BCL11A: variants seen among roughly 807,000 people sequenced by gnomAD.
The protein encoded by BCL11A is BCL11 transcription factor A.
A neutral mutation model predicts 55.9 loss-of-function variants in BCL11A; 2 were observed. The observed-to-expected ratio is 0.04, with a 90% CI of 0.01 to 0.11. BCL11A has a LOEUF of 0.11. BCL11A is among the 10% of genes least tolerant of loss of function. The pLI is 1.00. For missense variants in BCL11A, 817 were observed against 1,137.1 expected (o/e 0.72, Z 4.05); for synonymous variants, 465 against 473.4 (o/e 0.98, Z 0.23).
chr2:60,526,208 A>G (rs1028808833), intron 2 of BCL11A: 3 of 152,212 alleles, frequency 2.0e-5, no homozygotes, highest in African/African-American at 7.2e-5. Context: ...TCAGAATCCC[A>G]TATTTTGGGA....
In BCL11A at chr2:60,462,119, G is replaced by C. The variant is rs769158594; in HGVS notation, c.793C>G (p.Leu265Val). 46 of 1,550,914 alleles carry C rather than the reference G, an allele frequency of 3.0e-5. No homozygotes were observed. The highest frequency in any genetic ancestry group is 4.0e-5 in the Non-Finnish European group (46 of 1,150,416). Residue 265 changes from leucine (L) to valine (V), a missense_variant, in exon 4 of 4, where the codon CTG (leucine) becomes GTG (valine). Around this residue, in one of 4 missense-constraint regions of BCL11A, gnomAD observed 363 missense variants for 486.6 expected, o/e 0.75. Coordinates refer to ENST00000642384, the MANE Select transcript of BCL11A (RefSeq NM_022893.4). ...TGATGTCTCGGTGGTGGACTAAACAGGGGGGGAGTGGGTGGAAAGCGCCCT... is the reference window on the plus strand; with the variant it reads ...TGATGTCTCGGTGGTGGACTAAACACGGGGGGAGTGGGTGGAAAGCGCCCT... ...AEGRFPPTPPLFSPPPRHHLD... is the reference protein window; with the variant it reads ...AEGRFPPTPPVFSPPPRHHLD...
intron 2 of BCL11A, among the ~76,000 whole-genome samples, chr2:60,472,046 C>T (rs1281177469): frequency 6.6e-6 from 1 of 152,198 alleles, no homozygotes; most frequent in Non-Finnish European, 1.5e-5. Context: ...CCCTCCTGTC[C>T]AGGACCCACC....
intron 1 of BCL11A, among the ~76,000 whole-genome samples, chr2:60,551,745 T>C (rs1280691948): frequency 6.6e-6 from 1 of 150,984 alleles, no homozygotes; most frequent in African/African-American, 2.4e-5. Context: ...GCGGAGACAC[T>C]GCGTGGCCTG....
At chr2:60,499,404 C>T (rs1296429600) in intron 2 of BCL11A, among the ~76,000 whole-genome samples, 3 of 152,154 alleles carry the variant, frequency 2.0e-5, no homozygotes, top group Non-Finnish European at 4.4e-5. Flanking sequence ...TCTGTAACTC[C>T]TCTAAGTGAT....
chr2:60,505,603 C>T (rs1306070027), intron 2 of BCL11A, among the ~76,000 whole-genome samples: 2 of 152,202 alleles, frequency 1.3e-5, no homozygotes, highest in African/African-American at 4.8e-5. Context: ...CTCTTTCCTC[C>T]AGCTCCCTAA....
intron 1 of BCL11A, among the ~76,000 whole-genome samples, chr2:60,553,001 T>G (rs1372296325): frequency 6.6e-6 from 1 of 151,450 alleles, no homozygotes; most frequent in Non-Finnish European, 1.5e-5. Context: ...AATTAAAAGG[T>G]GCGTGCTGTC....
Position 60,461,722 on chromosome 2 carries a change from C to T in BCL11A, c.1190G>A (p.Arg397His). 1 of 1,613,984 alleles carries T rather than the reference C, an allele frequency of 6.2e-7. No individual in the cohort carries two copies. Residue 397 changes from arginine to histidine, a missense_variant, in exon 4 of 4, where the codon CGC (arginine) becomes CAC (histidine). Around this residue, in one of 4 missense-constraint regions of BCL11A, gnomAD observed 45 missense variants for 109.0 expected, o/e 0.41. Coordinates refer to ENST00000642384, the MANE Select transcript of BCL11A (RefSeq NM_022893.4). Reference protein sequence around the residue: ...KFQSNLVVHRRSHTGEKPYKC... With the variant: ...KFQSNLVVHRHSHTGEKPYKC... The stretch of plus-strand genomic sequence containing the variant: ...GTAGGGCTTCTCGCCCGTGTGGCTG[C>T]GCCGGTGCACCACCAGGTTGCTCTG...
At chr2:60,552,356 G>C (rs967317831) in intron 1 of BCL11A, among the ~76,000 whole-genome samples, 1 of 152,058 alleles carries the variant, frequency 6.6e-6, no homozygotes, top group Non-Finnish European at 1.5e-5. Context: ...CAGCAGTCCG[G>C]GCTCCCTCCC....
Position 60,542,054 on chromosome 2 carries a change from C to T in BCL11A, c.385+3917G>A. The T allele has an allele frequency of 1.0e-5, 6 of 581,908 alleles. No homozygotes were observed. In the South Asian group the frequency reaches 1.4e-4, roughly 14 times the overall value. 36.0% of individuals were successfully genotyped at this position (581,908 alleles called of 1,614,324 possible). ...TTTCCATTTTGAATTACTATATCTCCCTTCTTTAGAGTATCTGTCTGATAT... is the reference window on the plus strand; with the variant it reads ...TTTCCATTTTGAATTACTATATCTCTCTTCTTTAGAGTATCTGTCTGATAT... On this transcript the variant is annotated intron_variant, in intron 2 of 3. Coordinates refer to ENST00000642384, the MANE Select transcript of BCL11A (RefSeq NM_022893.4).
chr2:60,451,760 A>G (rs1675731381), exon 5 of BCL11A: 1 of 230,352 alleles, frequency 4.3e-6, no homozygotes, highest in South Asian at 1.8e-4. Flanking sequence ...CTAAATTAAA[A>G]GACAAATTCA....
intron 2 of BCL11A, among the ~76,000 whole-genome samples, chr2:60,492,341 T>G (rs1678684880): frequency 6.6e-6 from 1 of 152,070 alleles, no homozygotes; most frequent in Admixed American, 6.5e-5. Context: ...CACTCTAGCC[T>G]AGGCAACACA....
Position 60,457,742 on chromosome 2 carries a change from G to T in BCL11A, c.*2662C>A. The T allele has an allele frequency of 9.7e-7, 1 of 1,034,492 alleles. No individual in the cohort carries two copies. The highest frequency in any genetic ancestry group is 1.2e-6 in the Non-Finnish European group (1 of 860,432). The allele number at this position is 1,034,492 out of a possible 1,614,324, so 64.1% of individuals were successfully genotyped here. A position where few individuals can be genotyped will look rare whatever the true frequency, so the allele number is the denominator to read the frequency against. ...ATGAAGGTAAGATGCTGGAATGTAG[G>T]GTGATAGAAGGAAAGGGACAAAAAG... On this transcript the variant is annotated 3_prime_UTR_variant, in exon 4 of 4. Transcript: ENST00000642384.
At chr2:60,512,604 C>G (rs1253907927) in intron 2 of BCL11A, among the ~76,000 whole-genome samples, 1 of 152,212 alleles carries the variant, frequency 6.6e-6, no homozygotes, top group Non-Finnish European at 1.5e-5. Flanking sequence ...TAGATGGTAT[C>G]TGCCTCTCCT....
chr2:60,460,389 G>T lies in BCL11A; in HGVS notation c.*15C>A. On this transcript the variant is annotated 3_prime_UTR_variant, in exon 4 of 4. Transcript: ENST00000642384. Reference sequence around the variant, plus strand: ...GGGTGTCAGGTGGGAGTGAGGGAGGGGTATTAATATACCTCTATTCAGTTT... The same window carrying T: ...GGGTGTCAGGTGGGAGTGAGGGAGGTGTATTAATATACCTCTATTCAGTTT... 6.4e-7 allele frequency: 1 copy of T among 1,572,730 alleles called. No individual in the cohort carries two copies. The highest frequency in any genetic ancestry group is 2.3e-5 in the East Asian group (1 of 44,162).
exon 5 of BCL11A, chr2:60,451,980 T>G (rs1675741623): frequency 4.4e-6 from 1 of 228,250 alleles, no homozygotes; most frequent in African/African-American, 2.2e-5. Flanking sequence ...CCTTGAAAAT[T>G]TATGCCATCT....
rs775429960 is a variant in BCL11A, at chr2:60,545,964, C to A, written c.385+7G>T. ...GCAAACAGCTTTTCTCCTTGCTTCT[C>A]ATTTACCTGCTATGTGTTCCTGTTT... On this transcript the variant is annotated splice_region_variant and intron_variant, in intron 2 of 3. Transcript: ENST00000642384. The A allele has an allele frequency of 1.2e-6, 2 of 1,608,552 alleles. No homozygotes were observed. The highest frequency in any genetic ancestry group is 1.7e-6 in the Non-Finnish European group (2 of 1,176,312).
downstream of BCL11A, among the ~76,000 whole-genome samples, chr2:60,453,272 C>G (rs1264768593): frequency 1.3e-5 from 2 of 152,118 alleles, no homozygotes; most frequent in Non-Finnish European, 1.5e-5. Flanking sequence ...GTTTTCTTTT[C>G]TTTTTTGGAA....
At chr2:60,484,926 G>T (rs1678181258) in intron 2 of BCL11A, among the ~76,000 whole-genome samples, 1 of 139,778 alleles carries the variant, frequency 7.2e-6, no homozygotes, top group African/African-American at 2.7e-5. Flanking sequence ...TCAAGTTCAA[G>T]CCAAAAAGAA....
chr2:60,509,399 C>T (rs932007143), intron 2 of BCL11A, among the ~76,000 whole-genome samples: 3 of 152,180 alleles, frequency 2.0e-5, no homozygotes, highest in African/African-American at 7.2e-5. Flanking sequence ...TAACCGTGGA[C>T]CTGAGCACAG....
Sources: allele counts gnomAD v4.1 joint callset (sites outside exome capture counted in the v4.1 genomes callset), GRCh38; gene constraint gnomAD v4.1.1; regional missense constraint gnomAD v4.1.1; transcripts MANE v1.5; gene names NCBI Gene and HGNC (gene_info 2026-07-23, HGNC 2026-07-21).